PCDH11X: variants seen among roughly 807,000 people sequenced by gnomAD.
The protein encoded by PCDH11X is protocadherin-11 X-linked.
In PCDH11X, 18 loss-of-function variants were observed where a neutral mutation model predicts 53.3. The ratio of observed to expected loss-of-function variants is 0.34; its 90% CI spans 0.23 to 0.50. The LOEUF (loss-of-function observed/expected upper bound fraction) is 0.50, where lower values mean the gene tolerates loss of function less well. Among genes scored for constraint, PCDH11X ranks in the 20% least tolerant of loss-of-function variants. The pLI is 0.98. For missense variants in PCDH11X, 570 were observed against 1,032.4 expected, an observed-to-expected ratio of 0.55 and a Z score of 6.14; for synonymous variants, 279 against 393.3, an observed-to-expected ratio of 0.71 and a Z score of 3.44.
At chrX:92,167,189 G>T (rs1302442851) in intron 6 of PCDH11X, among the ~76,000 whole-genome samples, 1 of 110,599 alleles carries the variant, frequency 9.0e-6, no homozygotes, top group Non-Finnish European at 1.9e-5. Flanking sequence ...ATTTTTAAAA[G>T]ATTATCTAAA....
chrX:92,147,552 G>A (rs2065288086), intron 6 of PCDH11X, among the ~76,000 whole-genome samples: 1 of 110,787 alleles, frequency 9.0e-6, no homozygotes, highest in Admixed American at 9.7e-5. Context: ...TAATCAATTG[G>A]CAAGATGTTC....
At chrX:92,281,792 T>A (rs1475693819) in intron 8 of PCDH11X, among the ~76,000 whole-genome samples, 3 of 111,559 alleles carry the variant, frequency 2.7e-5, no homozygotes, top group African/African-American at 9.8e-5. Flanking sequence ...CTTAGACTAA[T>A]TTGGTAGCAG....
At chrX:91,974,039 C>T (rs946724427) in intron 6 of PCDH11X, among the ~76,000 whole-genome samples, 2 of 111,365 alleles carry the variant, frequency 1.8e-5, no homozygotes, top group African/African-American at 3.3e-5. Context: ...TTCTGTTTTA[C>T]AGTAGGAGAA....
chrX:92,129,566 G>A, intron 6 of PCDH11X, among the ~76,000 whole-genome samples: 1 of 112,163 alleles, frequency 8.9e-6, no homozygotes, highest in Non-Finnish European at 1.9e-5. Context: ...CCAAAGAAGC[G>A]GTTAAGCCTG....
chrX:92,398,088 T>G (rs1298460368), intron 9 of PCDH11X, among the ~76,000 whole-genome samples: 1 of 111,939 alleles, frequency 8.9e-6, no homozygotes, highest in Non-Finnish European at 1.9e-5. Flanking sequence ...CATTACATTT[T>G]TGCAAAACAG....
At chrX:91,852,811 C>A (rs1938107863) in intron 5 of PCDH11X, among the ~76,000 whole-genome samples, 1 of 107,867 alleles carries the variant, frequency 9.3e-6, no homozygotes, top group Non-Finnish European at 1.9e-5. Context: ...AATGTTTTCT[C>A]GGGTTGCGGT....
intron 10 of PCDH11X, among the ~76,000 whole-genome samples, chrX:92,545,089 G>C (rs1362969153): frequency 9.0e-6 from 1 of 111,355 alleles, no homozygotes; most frequent in Non-Finnish European, 1.9e-5. Flanking sequence ...ATGCTTCCAT[G>C]TGGAGGCCTG....
intron 10 of PCDH11X, among the ~76,000 whole-genome samples, chrX:92,533,233 G>A (rs2074591943): frequency 9.0e-6 from 1 of 111,063 alleles, no homozygotes; most frequent in African/African-American, 3.3e-5. Flanking sequence ...ATAATTTTAT[G>A]TGTACAATAA....
intron 6 of PCDH11X, among the ~76,000 whole-genome samples, chrX:91,931,027 A>G (rs987680471): frequency 1.8e-5 from 2 of 111,042 alleles, no homozygotes; most frequent in African/African-American, 6.5e-5. Flanking sequence ...ATTTCAAAAC[A>G]CTGTCCAGGA....
At chrX:92,185,958 C>CA (rs957759701) in intron 6 of PCDH11X, among the ~76,000 whole-genome samples, 7 of 111,178 alleles carry the variant, frequency 6.3e-5, no homozygotes, top group African/African-American at 2.3e-4. Context: ...GGAGGTTCCT[C>CA]AAAAAAGTAC....
intron 4 of PCDH11X, among the ~76,000 whole-genome samples, chrX:91,822,589 A>G (rs12006981): frequency 0.3 from 30,643 of 102,006 alleles, 4,589 homozygotes; most frequent in African/African-American, 0.48. Context: ...TCTTGCTAGC[A>G]GTCTATCAAT....
rs1334758295 is a variant in PCDH11X at position 92,622,081 on chromosome X, T to C, written c.*3141T>C. ...ATTAAAAATTAGCTTTTACATATGA[T>C]ATCTACAATGTAATAAATTTAGAGA... is the stretch of plus-strand genomic sequence containing the variant. On this transcript the variant is annotated 3_prime_UTR_variant, in exon 11 of 11. Coordinates refer to ENST00000682573, the MANE Select transcript of PCDH11X (RefSeq NM_032968.5). The C allele has an allele frequency of 2.0e-5, 2 of 100,698 alleles. No individual in the cohort carries two copies. The highest frequency in any genetic ancestry group is 6.1e-4 in the East Asian group (2 of 3,283). The allele number at this position is 100,698 out of a possible 1,213,427, so 8.3% of individuals were successfully genotyped here.
intron 10 of PCDH11X, among the ~76,000 whole-genome samples, chrX:92,602,102 T>C (rs1926294617): frequency 9.0e-6 from 1 of 111,626 alleles, no homozygotes; most frequent in Admixed American, 9.5e-5. Context: ...GCTACTGTCC[T>C]CATTTTTATC....
intron 7 of PCDH11X, among the ~76,000 whole-genome samples, chrX:92,221,278 AACACACACACACACAC>A (rs58264678): frequency 4.5e-5 from 4 of 88,031 alleles, no homozygotes; most frequent in South Asian, 5.6e-4. Flanking sequence ...CATTGTATAC[AACACACACACACACAC>A]ACACACACAC....
chrX:91,964,297 T>TA (rs2061834465), intron 6 of PCDH11X, among the ~76,000 whole-genome samples: 1 of 109,862 alleles, frequency 9.1e-6, no homozygotes, highest in African/African-American at 3.4e-5. Context: ...CACAGAAATA[T>TA]AAAAAAGAAT....
At chrX:91,994,536 T>TTATG (rs2062378531) in intron 6 of PCDH11X, among the ~76,000 whole-genome samples, 1 of 91,169 alleles carries the variant, frequency 1.1e-5, no homozygotes, top group Admixed American at 1.1e-4. Flanking sequence ...TACATTTTCT[T>TTATG]CATTTATATA....
At chrX:92,099,943 T>C (rs989065104) in intron 6 of PCDH11X, among the ~76,000 whole-genome samples, 1 of 111,220 alleles carries the variant, frequency 9.0e-6, no homozygotes, top group African/African-American at 3.3e-5. Flanking sequence ...CAAGGATGAA[T>C]GATGGCTGCA....
intron 8 of PCDH11X, among the ~76,000 whole-genome samples, chrX:92,359,066 G>A (rs192399869): frequency 0.015 from 1,654 of 109,464 alleles, 43 homozygotes; most frequent in African/African-American, 0.052. Flanking sequence ...TGGGGGAGGC[G>A]TGGCTATTTT....
chrX:92,506,316 G>A (rs1294474177), intron 10 of PCDH11X, among the ~76,000 whole-genome samples: 6 of 98,784 alleles, frequency 6.1e-5, no homozygotes, highest in African/African-American at 2.2e-4. Flanking sequence ...TCTGGTTCTG[G>A]TTTTCAAGAG....
Sources: allele counts gnomAD v4.1 joint callset (sites outside exome capture counted in the v4.1 genomes callset), GRCh38; gene constraint gnomAD v4.1.1; transcripts MANE v1.5; gene names NCBI Gene and HGNC (gene_info 2026-07-23, HGNC 2026-07-21).